Variants in ADORA2B observed in about 807,000 individuals in gnomAD.
ADORA2B encodes adenosine receptor A2b.
In ADORA2B, 18 loss-of-function variants were observed where a neutral mutation model predicts 20.8. The ratio of observed to expected loss-of-function variants is 0.87; its 90% CI spans 0.60 to 1.29. The LOEUF is 1.29. Among genes scored for constraint, ADORA2B ranks in the 50% most tolerant of loss-of-function variants. ADORA2B has a pLI of 0.00. For missense variants in ADORA2B, 441 were observed against 422.7 expected, an observed-to-expected ratio of 1.04 and a Z score of -0.38; for synonymous variants, 179 against 178.3, an observed-to-expected ratio of 1.00 and a Z score of -0.03.
At chr17:15,914,541 A>G in the ADORA2B span, among the ~76,000 whole-genome samples, 1 of 152,220 alleles carries the variant, frequency 6.6e-6, no homozygotes, top group Non-Finnish European at 1.5e-5. Context: ...GTCACCTGCC[A>G]TTGCAGCCAA....
the ADORA2B span, among the ~76,000 whole-genome samples, chr17:15,909,585 C>T: frequency 6.6e-6 from 1 of 152,190 alleles, no homozygotes; most frequent in Admixed American, 6.5e-5. Context: ...CTTTGACCTC[C>T]GGTTCTTTAA....
the ADORA2B span, among the ~76,000 whole-genome samples, chr17:15,909,550 A>G: frequency 1.3e-5 from 2 of 148,942 alleles, no homozygotes; most frequent in South Asian, 4.2e-4. Context: ...GGCCTCTTTC[A>G]TGCTAAGGAA....
chr17:15,948,401 C>CGGGGGGGG (rs1969843623), intron 1 of ADORA2B, among the ~76,000 whole-genome samples: 1 of 18,784 alleles, frequency 5.3e-5, no homozygotes, highest in African/African-American at 6.7e-5. Context: ...GCCCTGGCGG[C>CGGGGGGGG]GGGGGGCTCC....
chr17:15,966,853 C>T lies in ADORA2B; in HGVS notation c.336-7826C>T, dbSNP rs76388822. Among the ~76,000 whole-genome samples, 925 of 152,360 alleles carry T rather than the reference C, an allele frequency of 6.1e-3. 17 individuals carry two copies. The highest frequency in any genetic ancestry group is 0.021 in the African/African-American group (862 of 41,586). Reference sequence around the variant, plus strand: ...TCACTTTTCAGTCGCCTGTTATTCACTCTCCTACATTTGGGGCGGTTGTCC... The same window carrying T: ...TCACTTTTCAGTCGCCTGTTATTCATTCTCCTACATTTGGGGCGGTTGTCC... On this transcript the variant is annotated intron_variant, in intron 1 of 1. Transcript: ENST00000304222.
the ADORA2B span, among the ~76,000 whole-genome samples, chr17:15,923,206 AT>A: frequency 1.7e-3 from 198 of 113,488 alleles, no homozygotes; most frequent in Middle Eastern, 4.8e-3. Flanking sequence ...TCTTTTTTTA[AT>A]TTTTTTTTTT....
the ADORA2B span, among the ~76,000 whole-genome samples, chr17:15,880,265 C>G: frequency 7.5e-6 from 1 of 132,934 alleles, no homozygotes; most frequent in Non-Finnish European, 1.6e-5. Flanking sequence ...GAGATTATGT[C>G]GAACCATACA....
At chr17:15,852,653 TC>T in the ADORA2B span, among the ~76,000 whole-genome samples, 2 of 152,202 alleles carry the variant, frequency 1.3e-5, no homozygotes, top group Non-Finnish European at 2.9e-5. Context: ...GTGGATAATT[TC>T]AGCAGAAAAC....
the ADORA2B span, among the ~76,000 whole-genome samples, chr17:15,929,352 T>A: frequency 6.6e-6 from 1 of 152,146 alleles, no homozygotes; most frequent in East Asian, 1.9e-4. Flanking sequence ...GTCAGGTGAA[T>A]GGAATGACCA....
chr17:15,865,386 G>A, the ADORA2B span, among the ~76,000 whole-genome samples: 2 of 151,010 alleles, frequency 1.3e-5, no homozygotes, highest in Non-Finnish European at 3.0e-5. Flanking sequence ...CTCGACCTCC[G>A]GAGTAGCTGG....
At chr17:15,966,263 C>T (rs746110584) in intron 1 of ADORA2B, among the ~76,000 whole-genome samples, 3 of 152,206 alleles carry the variant, frequency 2.0e-5, no homozygotes, top group Non-Finnish European at 4.4e-5. Context: ...ACTTAGCAAT[C>T]TGCATTTCTA....
chr17:15,974,644 A>C, intron 1 of ADORA2B, 35 bp from the exon 2 acceptor site: 1 of 1,585,506 alleles, frequency 6.3e-7, no homozygotes, highest in Non-Finnish European at 8.6e-7. Context: ...AGAGCGCTAT[A>C]AACTGACCGT....
chr17:15,873,130 T>C, the ADORA2B span, among the ~76,000 whole-genome samples: 1 of 152,236 alleles, frequency 6.6e-6, no homozygotes, highest in Admixed American at 6.5e-5. Flanking sequence ...TGAACTTTGT[T>C]GAATGCTCTT....
At chr17:15,974,463 T>C in intron 1 of ADORA2B, 1 of 513,236 alleles carries the variant, frequency 1.9e-6, no homozygotes, top group Non-Finnish European at 3.4e-6. Flanking sequence ...AGAAAGGAGT[T>C]GCTAAGTCAA....
Position 15,974,948 on chromosome 17 carries a change from A to T in ADORA2B, c.605A>T (p.Tyr202Phe). The T allele has an allele frequency of 6.2e-7, 1 of 1,614,140 alleles. No individual in the cohort carries two copies. Among genetic ancestry groups the T allele is most frequent in the Non-Finnish European group, 8.5e-7 (1 of 1,180,018 alleles). ...CCACTGCTTATAATGCTGGTGATCTACATTAAGATCTTCCTGGTGGCCTGC... is the reference window on the plus strand; with the variant it reads ...CCACTGCTTATAATGCTGGTGATCTTCATTAAGATCTTCCTGGTGGCCTGC... ...LPPLLIMLVI[Y>F]IKIFLVACRQ... The change falls in exon 2 of 2, where the codon TAC (tyrosine) becomes TTC (phenylalanine). Residue 202 changes from tyrosine to phenylalanine, a missense_variant. By Grantham distance (22) the Tyr-to-Phe change is conservative. Transcript: ENST00000304222.
In ADORA2B at chr17:15,958,033, T is replaced by C. The variant is rs185947000; in HGVS notation, c.335+12450T>C. Reference sequence around the variant, plus strand: ...GGTACACTTCCTTTTTTTTTTTTTTTCTTGAGACAGAGTTTCACTCTTGTT... The same window carrying C: ...GGTACACTTCCTTTTTTTTTTTTTTCCTTGAGACAGAGTTTCACTCTTGTT... On this transcript the variant is annotated intron_variant, in intron 1 of 1. Coordinates refer to ENST00000304222, the MANE Select transcript of ADORA2B (RefSeq NM_000676.4). Among the ~76,000 whole-genome samples the C allele has an allele frequency of 5.9e-3, 898 of 152,030 alleles. 8 individuals carry two copies. Among genetic ancestry groups the C allele is most frequent in the Middle Eastern group, 0.024 (7 of 292 alleles).
intron 1 of ADORA2B, among the ~76,000 whole-genome samples, chr17:15,967,995 G>A (rs1182559486): frequency 6.6e-6 from 1 of 152,202 alleles, no homozygotes; most frequent in Non-Finnish European, 1.5e-5. Flanking sequence ...TTCTAGGGGA[G>A]GGGCAGGACC....
chr17:15,919,828 C>G, the ADORA2B span, among the ~76,000 whole-genome samples: 1 of 152,164 alleles, frequency 6.6e-6, no homozygotes, highest in Non-Finnish European at 1.5e-5. Context: ...GACCCACTTT[C>G]TCCAGCCACT....
At chr17:15,921,585 A>G in the ADORA2B span, among the ~76,000 whole-genome samples, 8 of 152,394 alleles carry the variant, frequency 5.2e-5, no homozygotes, top group Admixed American at 2.6e-4. Context: ...AAAATGGGTA[A>G]TGAAAATTAA....
chr17:15,869,195 C>T, the ADORA2B span, among the ~76,000 whole-genome samples: 254 of 151,618 alleles, frequency 1.7e-3, 1 homozygote, highest in Middle Eastern at 0.01. Context: ...TGACGCACAA[C>T]TGTAATCCCA....
Sources: gnomAD v4.1 joint callset for allele counts (sites outside exome capture counted in the v4.1 genomes callset) on GRCh38, gnomAD v4.1.1 for gene constraint, MANE v1.5 for transcripts, NCBI Gene and HGNC (gene_info 2026-07-23, HGNC 2026-07-21) for gene names.